The following PCDHGB1 variants were observed in gnomAD, a reference collection of about 807,000 sequenced individuals.
PCDHGB1 encodes the protein protocadherin gamma subfamily B, 1.
PCDHGB1 carries 34 observed loss-of-function variants against 56.6 expected under a neutral mutation model. That is an observed-to-expected ratio of 0.60 (90% CI 0.46 to 0.80). PCDHGB1 has a LOEUF of 0.80. PCDHGB1 is among the 30% of genes least tolerant of loss of function. The pLI, the probability that PCDHGB1 is intolerant of heterozygous loss-of-function variation, is 0.00. For missense variants in PCDHGB1, 1,278 were observed against 1,204.6 expected, an observed-to-expected ratio of 1.06 and a Z score of -0.90; for synonymous variants, 561 against 505.9, an observed-to-expected ratio of 1.11 and a Z score of -1.46.
chr5:141,419,451 C>T (rs747887064), intron 1 of PCDHGB1: 2 of 1,612,796 alleles, frequency 1.2e-6, no homozygotes, highest in Non-Finnish European at 8.5e-7. Flanking sequence ...TTCGAGCTCA[C>T]GCTGCAGGCC....
intron 1 of PCDHGB1, among the ~76,000 whole-genome samples, chr5:141,443,514 C>T (rs1386662758): frequency 6.6e-6 from 1 of 152,056 alleles, no homozygotes; most frequent in Non-Finnish European, 1.5e-5. Flanking sequence ...AAGAGCTTCT[C>T]TCCTTATGAC....
Position 141,485,844 on chromosome 5 carries a change from G to A in PCDHGB1, c.2410-8963G>A, listed in dbSNP as rs201857404. On this transcript the variant is annotated intron_variant, in intron 1 of 3. Transcript: ENST00000523390. The surrounding 1 kb of genome is among the most constrained non-coding windows in gnomAD (Gnocchi z 5.7). ...GATGGAGGGAACCCGCCGAGATCTGGCACCGCAGAGCTCCGGGTATCCGTG... is the reference window on the plus strand; with the variant it reads ...GATGGAGGGAACCCGCCGAGATCTGACACCGCAGAGCTCCGGGTATCCGTG... 6 of 1,613,890 alleles carry A rather than the reference G, an allele frequency of 3.7e-6. No homozygotes were observed. In the East Asian group the frequency reaches 1.1e-4, roughly 30 times the overall value.
Position 141,489,968 on chromosome 5 carries a change from A to G in PCDHGB1, c.2410-4839A>G. 6.2e-7 allele frequency: 1 copy of G among 1,614,146 alleles called. No homozygotes were observed. The highest frequency in any genetic ancestry group is 2.2e-5 in the East Asian group (1 of 44,880). On this transcript the variant is annotated intron_variant, in intron 1 of 3. Coordinates refer to ENST00000523390, the MANE Select transcript of PCDHGB1 (RefSeq NM_018922.3). This position sits in a 1 kb window ranked among gnomAD's most constrained non-coding sequence, Gnocchi z 4.5. Reference sequence around the variant, plus strand: ...ATCAATGATAATGCTCCAACCTTCCAATCCTCAGTTCTACGTGTGGGAATC... The same window carrying G: ...ATCAATGATAATGCTCCAACCTTCCGATCCTCAGTTCTACGTGTGGGAATC...
intron 1 of PCDHGB1, chr5:141,404,308 C>T (rs1241004917): frequency 6.2e-7 from 1 of 1,613,918 alleles, no homozygotes; most frequent in Middle Eastern, 1.6e-4. Flanking sequence ...CACCTGCTTT[C>T]TCTCAAGCCT....
chr5:141,399,528 C>T (rs749580875), intron 1 of PCDHGB1: 10 of 1,613,928 alleles, frequency 6.2e-6, no homozygotes, highest in Non-Finnish European at 7.6e-6. Context: ...GGGCCTCCAT[C>T]GCGCAAGTCT....
chr5:141,454,796 ATTTTTTTTTT>A (rs61612330), intron 1 of PCDHGB1, among the ~76,000 whole-genome samples: 11 of 77,458 alleles, frequency 1.4e-4, no homozygotes, highest in East Asian at 8.0e-4. Flanking sequence ...CATGGTTCTA[ATTTTTTTTTT>A]TTTTTTTTTT....
intron 1 of PCDHGB1, chr5:141,366,096 C>A (rs763995838): frequency 5.6e-6 from 9 of 1,614,108 alleles, no homozygotes; most frequent in Middle Eastern, 1.6e-4. Context: ...TACCTGGTGA[C>A]CAAGGTGGTA....
intron 1 of PCDHGB1, chr5:141,367,435 G>A (rs578251021): frequency 6.6e-6 from 1 of 152,322 alleles, no homozygotes; most frequent in African/African-American, 2.4e-5. Flanking sequence ...TACTCGGAAG[G>A]CTGAGGCAGG....
At chr5:141,382,430 T>A (rs984775517) in intron 1 of PCDHGB1, among the ~76,000 whole-genome samples, 10 of 152,106 alleles carry the variant, frequency 6.6e-5, no homozygotes, top group African/African-American at 2.4e-4. Context: ...CCCAAAAGAG[T>A]CACTTGAAAG....
chr5:141,427,717 A>G (rs1038823851), intron 1 of PCDHGB1: 20 of 1,076,234 alleles, frequency 1.9e-5, no homozygotes, highest in African/African-American at 1.1e-4. Context: ...TCTGACCTGG[A>G]CCTAGGGCTG....
chr5:141,487,392 G>A lies in PCDHGB1; in HGVS notation c.2410-7415G>A, dbSNP rs773126086. 2 of 1,614,176 alleles carry A rather than the reference G, an allele frequency of 1.2e-6. No individual in the cohort carries two copies. Among genetic ancestry groups the A allele is most frequent in the Non-Finnish European group, 1.7e-6 (2 of 1,180,024 alleles). On this transcript the variant is annotated intron_variant, in intron 1 of 3. Transcript: ENST00000523390. This position sits in a 1 kb window ranked among gnomAD's most constrained non-coding sequence, Gnocchi z 5.0. ...GCCTGTCTCACCAGATCTCGAAGGA[G>A]GGAGGGGCTTCCCCCTTCCAATGGG...
At chr5:141,410,370 C>T (rs780808768) in intron 1 of PCDHGB1, 2 of 1,614,060 alleles carry the variant, frequency 1.2e-6, no homozygotes, top group South Asian at 2.2e-5. Flanking sequence ...AGCCCTGCTA[C>T]TTGGGACTGC....
intron 1 of PCDHGB1, chr5:141,419,785 G>A (rs1268841728): frequency 1.2e-6 from 2 of 1,613,934 alleles, no homozygotes; most frequent in Non-Finnish European, 1.7e-6. Flanking sequence ...GCCAGCGCCT[G>A]CTAGTCGCTG....
rs749469652 is a variant in PCDHGB1, at chr5:141,371,514, CT to C, written c.2409+18846del. On this transcript the variant is annotated intron_variant, in intron 1 of 3. Transcript: ENST00000523390. The stretch of plus-strand genomic sequence containing the variant: ...CGTTGCCCTGATCAAAACACATGAT[CT>C]AGATTCTGGATTTAATGGAGAAATC... The C allele has an allele frequency of 1.9e-6, 3 of 1,613,792 alleles. No homozygotes were observed. The South Asian group carries it at 3.3e-5, about 18-fold the overall frequency.
chr5:141,476,455 G>C lies in PCDHGB1; in HGVS notation c.2410-18352G>C, dbSNP rs572682842. On this transcript the variant is annotated intron_variant, in intron 1 of 3. Transcript: ENST00000523390. The surrounding 1 kb of genome is among the most constrained non-coding windows in gnomAD (Gnocchi z 7.6). ...CTGTAACTCTGGAGTTGGTAGTGGA[G>C]AACCCGCTGGAGCTGTTCAGCGTGG... 22 of 1,614,152 alleles carry C rather than the reference G, an allele frequency of 1.4e-5. No homozygotes were observed. In the South Asian group the frequency reaches 2.4e-4, roughly 18 times the overall value.
In PCDHGB1 at chr5:141,351,717, C is replaced by G. The variant is rs1561501095; in HGVS notation, c.1457C>G (p.Ser486Cys). Residue 486 changes from serine to cysteine, a missense_variant, in exon 1 of 4, where the codon TCT becomes TGT. Physicochemically the swap from Ser to Cys is moderately radical, Grantham distance 112. Coordinates refer to ENST00000523390, the MANE Select transcript of PCDHGB1 (RefSeq NM_018922.3). ...GGACCCAACGGCAGAGTCTCCTACT[C>G]TATTCTGGCCAGTGACCTGGAGCCG... ...DLGPNGRVSY[S>C]ILASDLEPRE... The G allele has an allele frequency of 3.1e-6, 5 of 1,613,854 alleles. No individual in the cohort carries two copies. Among genetic ancestry groups the G allele is most frequent in the Non-Finnish European group, 4.2e-6 (5 of 1,179,906 alleles).
intron 1 of PCDHGB1, chr5:141,410,555 C>T (rs768561351): frequency 1.9e-6 from 3 of 1,613,084 alleles, no homozygotes; most frequent in Middle Eastern, 1.6e-4. Context: ...CAGTGTTTCT[C>T]CTGGAGCCTT....
chr5:141,357,870 A>C, intron 1 of PCDHGB1: 1 of 550,962 alleles, frequency 1.8e-6, no homozygotes. Context: ...TAATTTTACA[A>C]CTCTGAGCCA....
intron 1 of PCDHGB1, chr5:141,415,232 C>G (rs1329834276): frequency 3.1e-6 from 5 of 1,614,076 alleles, no homozygotes; most frequent in Non-Finnish European, 4.2e-6. Flanking sequence ...GAGTCTCCAG[C>G]TAACTCTGAA....
Sources: gnomAD v4.1 joint callset for allele counts (sites outside exome capture counted in the v4.1 genomes callset) on GRCh38, gnomAD v4.1.1 for gene constraint, Gnocchi (gnomAD v3.1) non-coding constraint, MANE v1.5 for transcripts, NCBI Gene and HGNC (gene_info 2026-07-23, HGNC 2026-07-21) for gene names.